Variants in WNT9B observed in about 807,000 individuals in gnomAD.
WNT9B encodes protein Wnt-9b.
A neutral mutation model predicts 30.2 loss-of-function variants in WNT9B; 12 were observed. The ratio of observed to expected loss-of-function variants is 0.40; its 90% CI spans 0.26 to 0.64. The LOEUF (loss-of-function observed/expected upper bound fraction) is 0.64. WNT9B is among the 30% of genes least tolerant of loss of function. The pLI, the probability that WNT9B is intolerant of heterozygous loss-of-function variation, is 0.42. For missense variants in WNT9B, 442 were observed against 485.2 expected (o/e 0.91, Z 0.84); for synonymous variants, 218 against 216.9 (o/e 1.01, Z -0.05).
intron 1 of WNT9B, among the ~76,000 whole-genome samples, chr17:46,842,414 G>A (rs527781825): frequency 2.0e-4 from 31 of 152,166 alleles, no homozygotes; most frequent in Non-Finnish European, 3.5e-4. Context: ...TCCCTCTGTC[G>A]CCCAGGCTGG....
chr17:46,850,230 A>C (rs958404046), upstream of WNT9B, among the ~76,000 whole-genome samples: 1 of 152,226 alleles, frequency 6.6e-6, no homozygotes, highest in African/African-American at 2.4e-5. Flanking sequence ...CATAACTTAC[A>C]TGATTTGACT....
chr17:46,848,751 G>A (rs1333520390), upstream of WNT9B, among the ~76,000 whole-genome samples: 1 of 152,346 alleles, frequency 6.6e-6, no homozygotes, highest in South Asian at 2.1e-4. Flanking sequence ...TGACAGTACC[G>A]CTGGGCTAGG....
At chr17:46,856,065 A>G (rs2084933304) in intron 1 of WNT9B, among the ~76,000 whole-genome samples, 1 of 152,158 alleles carries the variant, frequency 6.6e-6, no homozygotes, top group Non-Finnish European at 1.5e-5. Context: ...TTTAAATCAT[A>G]ATTAACTTTG....
rs146673701 is a variant in WNT9B, at chr17:46,877,466, A to G, written c.*748A>G. 6.6e-5 allele frequency among the ~76,000 whole-genome samples: 10 copies of G among 152,130 alleles called. No homozygotes were observed. The highest frequency in any genetic ancestry group is 2.4e-4 in the African/African-American group (10 of 41,500). On this transcript the variant is annotated 3_prime_UTR_variant, in exon 4 of 4. Transcript: ENST00000290015. Reference sequence around the variant, plus strand: ...TCACCCAGCCGTGCTCAAAACTACCACCAGTGCAGGTAAGACAGGTGGGAG... The same window carrying G: ...TCACCCAGCCGTGCTCAAAACTACCGCCAGTGCAGGTAAGACAGGTGGGAG...
upstream of WNT9B, among the ~76,000 whole-genome samples, chr17:46,850,715 G>T (rs2084830684): frequency 6.6e-6 from 1 of 152,190 alleles, no homozygotes; most frequent in African/African-American, 2.4e-5. Context: ...CACCTTCGCA[G>T]CAGAAATTGG....
chr17:46,849,747 C>G (rs866063734), upstream of WNT9B, among the ~76,000 whole-genome samples: 61 of 152,192 alleles, frequency 4.0e-4, no homozygotes, highest in African/African-American at 1.4e-3. Flanking sequence ...CCACCATCAA[C>G]CCTCCTTGAG....
At chr17:46,884,406 G>A (rs1196829600), downstream of WNT9B, among the ~76,000 whole-genome samples, 2 of 152,216 alleles carry the variant, frequency 1.3e-5, no homozygotes, top group African/African-American at 4.8e-5. Flanking sequence ...AGTTCAGGAA[G>A]GATTAAGGGG....
At chr17:46,852,321 T>G (rs2084864142) in intron 1 of WNT9B, among the ~76,000 whole-genome samples, 1 of 151,446 alleles carries the variant, frequency 6.6e-6, no homozygotes, top group African/African-American at 2.4e-5. Context: ...GCTGGGGAAA[T>G]GCGACCACAT....
At chr17:46,874,411 G>A (rs1530364) in intron 2 of WNT9B, among the ~76,000 whole-genome samples, 44,927 of 152,042 alleles carry the variant, frequency 0.3, 6,770 homozygotes, top group Admixed American at 0.34. Flanking sequence ...CAAAATGGCA[G>A]GTTTAGCCCC....
chr17:46,835,125 GCTGGCA>G (rs2084611647), intron 1 of WNT9B, among the ~76,000 whole-genome samples: 1 of 152,296 alleles, frequency 6.6e-6, no homozygotes, highest in South Asian at 2.1e-4. Context: ...CTCCTGAGTA[GCTGGCA>G]CTACAGGAAC....
At chr17:46,881,155 C>T (rs2085417132), downstream of WNT9B, among the ~76,000 whole-genome samples, 1 of 152,234 alleles carries the variant, frequency 6.6e-6, no homozygotes, top group Non-Finnish European at 1.5e-5. Flanking sequence ...GAGTGCCTGT[C>T]TCCTGGCTCA....
intron 1 of WNT9B, among the ~76,000 whole-genome samples, chr17:46,870,916 T>C (rs2085232685): frequency 6.7e-6 from 1 of 148,170 alleles, no homozygotes; most frequent in South Asian, 2.2e-4. Context: ...TTTTTTTTTT[T>C]TTTTTTTTTT....
chr17:46,854,931 A>C (rs1476452038), intron 1 of WNT9B, among the ~76,000 whole-genome samples: 2 of 152,134 alleles, frequency 1.3e-5, no homozygotes, highest in Non-Finnish European at 2.9e-5. Flanking sequence ...AAGTGCTGGG[A>C]TTACAGGCAT....
chr17:46,883,924 T>C (rs1361391678), downstream of WNT9B, among the ~76,000 whole-genome samples: 1 of 152,042 alleles, frequency 6.6e-6, no homozygotes, highest in Non-Finnish European at 1.5e-5. Context: ...CCCATATTCC[T>C]CCCTGGCTCT....
At chr17:46,875,060 C>T (rs370192270) in intron 2 of WNT9B, 41 bp from the exon 3 acceptor site, 46 of 1,613,194 alleles carry the variant, frequency 2.9e-5, no homozygotes, top group Admixed American at 3.3e-5. Context: ...TCCTCTCTTC[C>T]CCCTTTCCTC....
intron 1 of WNT9B, among the ~76,000 whole-genome samples, chr17:46,837,520 C>T (rs1021404123): frequency 3.9e-5 from 6 of 152,140 alleles, no homozygotes; most frequent in South Asian, 2.1e-4. Context: ...CAAGAGCTGC[C>T]GCTGCCACCC....
At chr17:46,886,366 T>C (rs548600658) in exon 5 of WNT9B, 2 of 152,236 alleles carry the variant, frequency 1.3e-5, no homozygotes, top group Non-Finnish European at 2.9e-5. Context: ...TTTCAATTAA[T>C]AAATAAAATT....
Position 46,877,054 on chromosome 17 carries a change from T to C in WNT9B, c.*336T>C, listed in dbSNP as rs1475626024. 1 of 1,120,754 alleles carries C rather than the reference T, an allele frequency of 8.9e-7. No homozygotes were observed. The highest frequency in any genetic ancestry group is 1.6e-5 in the African/African-American group (1 of 61,996). The allele number at this position is 1,120,754 out of a possible 1,614,324, so 69.4% of individuals were successfully genotyped here. A position where few individuals can be genotyped will look rare whatever the true frequency, so the allele number is the denominator to read the frequency against. On this transcript the variant is annotated 3_prime_UTR_variant, in exon 4 of 4. Transcript: ENST00000290015. ...AATTTTGGACGGGAGAGAGGGGCTATTCCATCTTGCTTCCTGGGATGAATG... is the reference window on the plus strand; with the variant it reads ...AATTTTGGACGGGAGAGAGGGGCTACTCCATCTTGCTTCCTGGGATGAATG...
At chr17:46,833,730 G>A (rs892413180) in intron 1 of WNT9B, among the ~76,000 whole-genome samples, 12 of 152,180 alleles carry the variant, frequency 7.9e-5, no homozygotes, top group Admixed American at 3.9e-4. Flanking sequence ...GTGAGTGAGC[G>A]TCCTGGAAAA....
Sources: gnomAD v4.1 joint callset for allele counts (sites outside exome capture counted in the v4.1 genomes callset) on GRCh38, gnomAD v4.1.1 for gene constraint, MANE v1.5 for transcripts, NCBI Gene and HGNC (gene_info 2026-07-23, HGNC 2026-07-21) for gene names.